Variants in B4GALNT4 observed in about 807,000 individuals in gnomAD.
B4GALNT4 encodes N-acetyl-beta-glucosaminyl-glycoprotein 4-beta-N-acetylgalactosaminyltransferase 1.
A neutral mutation model predicts 110.0 loss-of-function variants in B4GALNT4; 77 were observed. The ratio of observed to expected loss-of-function variants is 0.70; its 90% CI spans 0.58 to 0.85. The LOEUF (loss-of-function observed/expected upper bound fraction) is 0.85, where lower values mean the gene tolerates loss of function less well. Among genes scored for constraint, B4GALNT4 ranks in the 40% least tolerant of loss-of-function variants. B4GALNT4 has a pLI of 0.00. For synonymous variants in B4GALNT4, 785 were observed against 655.5 expected, an observed-to-expected ratio of 1.20 and a Z score of -3.02; for missense variants, 1,575 against 1,506.0, an observed-to-expected ratio of 1.05 and a Z score of -0.76.
At chr11:375,618 C>T (rs368798406) in intron 9 of B4GALNT4, 21 bp from the exon 10 acceptor site, 25 of 1,594,160 alleles carry the variant, frequency 1.6e-5, no homozygotes, top group Non-Finnish European at 2.0e-5. Context: ...TGAGCACTCC[C>T]TGGAACTCTT....
At chr11:381,608 C>T in intron 19 of B4GALNT4, 61 bp from the exon 20 acceptor site, 1 of 1,454,126 alleles carries the variant, frequency 6.9e-7, no homozygotes, top group South Asian at 1.4e-5. Context: ...GCCCCGGGGT[C>T]CTGACCACCT....
chr11:375,764 T>G lies in B4GALNT4; in HGVS notation c.976T>G (p.Phe326Val). ...GCTGCGGCCAGATCCCAGGGATACC[T>G]TTTTCCTCAGTGAGAGGGGGCCCGC... ...DMLRPDPRDT[F>V]FLTPRMESSS... Residue 326 changes from phenylalanine (F) to valine (V), a missense_variant, in exon 10 of 20, where the codon TTT becomes GTT. Coordinates refer to ENST00000329962, the MANE Select transcript of B4GALNT4 (RefSeq NM_178537.5). 1 of 1,596,704 alleles carries G rather than the reference T, an allele frequency of 6.3e-7. No individual in the cohort carries two copies. Among genetic ancestry groups the G allele is most frequent in the Non-Finnish European group, 8.5e-7 (1 of 1,175,092 alleles).
chr11:369,572 G>A lies in B4GALNT4; in HGVS notation c.-232G>A. On this transcript the variant is annotated 5_prime_UTR_variant, in exon 1 of 20. Transcript: ENST00000329962. ...GGAGCGCGGAGCCGGGAGCGGCCGG[G>A]CGGGGGGCACCGCGAGGAGCCGCCC... 1.4e-5 allele frequency among the ~76,000 whole-genome samples: 2 copies of A among 143,400 alleles called. No individual in the cohort carries two copies. Among genetic ancestry groups the A allele is most frequent in the Middle Eastern group, 3.6e-3 (1 of 274 alleles). 94.1% of individuals were successfully genotyped at this position (143,400 alleles called of 152,430 possible). A position where few individuals can be genotyped will look rare whatever the true frequency, so the allele number is the denominator to read the frequency against.
chr11:375,670 G>A lies in B4GALNT4; in HGVS notation c.882G>A (p.Ala294=), dbSNP rs1382969061. 1.9e-6 allele frequency: 3 copies of A among 1,591,522 alleles called. No homozygotes were observed. Among genetic ancestry groups the A allele is most frequent in the East Asian group, 2.2e-5 (1 of 44,640 alleles). ...DESALKMDHV[A]HVPQSPASHV... ...CAGCCTTGAAGATGGACCACGTGGC[G>A]CACGTCCCCCAGTCTCCAGCCAGCC... The change falls in exon 10 of 20, where the codon GCG becomes GCA. Residue 294 remains alanine, a synonymous_variant. Transcript: ENST00000329962.
Position 376,684 on chromosome 11 carries a change from C to A in B4GALNT4, c.1561C>A (p.Pro521Thr). Residue 521 changes from proline (P) to threonine (T), a missense_variant, in exon 14 of 20, where the codon CCG becomes ACG. Coordinates refer to ENST00000329962, the MANE Select transcript of B4GALNT4 (RefSeq NM_178537.5). Reference protein sequence around the residue: ...APPPRPAVEQPPPKVYVTRVR... With the variant: ...APPPRPAVEQTPPKVYVTRVR... Reference sequence around the variant, plus strand: ...GCCCCCGCGCCCTGCAGTGGAGCAGCCGCCCCCAAAGGTGTACGTGACCAG... The same window carrying A: ...GCCCCCGCGCCCTGCAGTGGAGCAGACGCCCCCAAAGGTGTACGTGACCAG... 1 of 1,427,970 alleles carries A rather than the reference C, an allele frequency of 7.0e-7. No individual in the cohort carries two copies. The highest frequency in any genetic ancestry group is 9.1e-7 in the Non-Finnish European group (1 of 1,095,266). The allele number at this position is 1,427,970 out of a possible 1,614,324, so 88.5% of individuals were successfully genotyped here.
intron 19 of B4GALNT4, among the ~76,000 whole-genome samples, chr11:381,398 C>T (rs1219061639): frequency 2.6e-4 from 8 of 30,798 alleles, no homozygotes; most frequent in Admixed American, 9.5e-4. Flanking sequence ...ACCACCTCTC[C>T]GCCCCCGGCC....
chr11:381,636 G>A, intron 19 of B4GALNT4, 33 bp from the exon 20 acceptor site: 1 of 1,547,376 alleles, frequency 6.5e-7, no homozygotes, highest in Middle Eastern at 1.7e-4. Flanking sequence ...CCCAACCCCG[G>A]GGTCCTGACC....
At position 379,930 on chromosome 11, in the gene B4GALNT4, C is replaced by G; in HGVS notation, c.2553C>G (p.Thr851=). ...ACATGGCTGCGCTGCACGCGCGCAC[C>G]GGGGACTCGCGTTTCAGCGTCGTCC... is the stretch of plus-strand genomic sequence containing the variant. ...LADMAALHAR[T]GDSRFSVVLV... Residue 851 remains threonine (T), a synonymous_variant, in exon 16 of 20, where the codon ACC becomes ACG. Transcript: ENST00000329962. 6.2e-7 allele frequency: 1 copy of G among 1,611,364 alleles called. No homozygotes were observed. The highest frequency in any genetic ancestry group is 1.1e-5 in the South Asian group (1 of 91,074).
intron 17 of B4GALNT4, 42 bp downstream of exon 17, chr11:380,244 G>A (rs1334660473): frequency 1.2e-6 from 2 of 1,608,594 alleles, no homozygotes; most frequent in South Asian, 1.1e-5. Flanking sequence ...AACGGGGCGT[G>A]CCCGGGGAGG....
chr11:370,831 T>A (rs11246135), intron 1 of B4GALNT4, among the ~76,000 whole-genome samples: 1 of 151,696 alleles, frequency 6.6e-6, no homozygotes, highest in East Asian at 1.9e-4. Context: ...GGCTGGGGAC[T>A]CCTGGGCCAC....
Position 376,118 on chromosome 11 carries a change from C to T in B4GALNT4, c.1140C>T (p.Thr380=), listed in dbSNP as rs1489678061. The change falls in exon 12 of 20, where the codon ACC becomes ACT. Residue 380 remains threonine (T), a synonymous_variant. Coordinates refer to ENST00000329962, the MANE Select transcript of B4GALNT4 (RefSeq NM_178537.5). ...ATCCCAACGACTACACTCGCCTCAC[C>T]CACATGGAGACGGACAACAAGTGCT... ...FVYPNDYTRL[T]HMETDNKCFY... 5.0e-6 allele frequency: 8 copies of T among 1,611,874 alleles called. No individual in the cohort carries two copies. Among genetic ancestry groups the T allele is most frequent in the East Asian group, 4.5e-5 (2 of 44,852 alleles).
In B4GALNT4 at chr11:381,719, A is replaced by G. The variant is rs747007436; in HGVS notation, c.3047A>G (p.Tyr1016Cys). ...GAGCGGCTCCGACTGCGGAATTTCTATCACCACTACCACTCCAAGAGGGGC... is the reference window on the plus strand; with the variant it reads ...GAGCGGCTCCGACTGCGGAATTTCTGTCACCACTACCACTCCAAGAGGGGC... The part of the protein sequence containing the change: ...EVERLRLRNF[Y>C]HHYHSKRGMW... The change falls in exon 20 of 20, where the codon TAT (tyrosine) becomes TGT (cysteine). Residue 1016 changes from tyrosine to cysteine, a missense_variant. By Grantham distance (194) the Tyr-to-Cys change is radical. Transcript: ENST00000329962. The G allele has an allele frequency of 1.3e-6, 2 of 1,591,586 alleles. No individual in the cohort carries two copies. The highest frequency in any genetic ancestry group is 1.4e-5 in the African/African-American group (1 of 72,928).
At position 380,344 on chromosome 11, in the gene B4GALNT4, A is replaced by G. The variant is rs777103923; in HGVS notation, c.2768A>G (p.Asn923Ser). ...GACCTGCACATCCACTTCCCACCCA[A>G]CATCCTGGACGGCATCCGCAAGCAC... is the stretch of plus-strand genomic sequence containing the variant. Reference protein sequence around the residue: ...LCDLHIHFPPNILDGIRKHCV... With the variant: ...LCDLHIHFPPSILDGIRKHCV... The change falls in exon 18 of 20, where the codon AAC becomes AGC. Residue 923 changes from asparagine (N) to serine (S), a missense_variant. Physicochemically the swap from Asn to Ser is conservative, Grantham distance 46. Coordinates refer to ENST00000329962, the MANE Select transcript of B4GALNT4 (RefSeq NM_178537.5). 2.4e-5 allele frequency: 39 copies of G among 1,613,048 alleles called. No individual in the cohort carries two copies. The highest frequency in any genetic ancestry group is 4.0e-5 in the African/African-American group (3 of 74,840).
At chr11:372,632 C>A (rs373895499) in intron 2 of B4GALNT4, 30 bp from the exon 3 acceptor site, 85 of 1,591,548 alleles carry the variant, frequency 5.3e-5, no homozygotes, top group East Asian at 1.3e-4. Flanking sequence ...CCCTTCCAAC[C>A]CTGACCCTGT....
At position 369,530 on chromosome 11, in the gene B4GALNT4, G is replaced by A. The variant is rs1392460316; in HGVS notation, c.-274G>A. ...CGGTGGCAGCCGTGGATGCTGTTCG[G>A]TCCCGCCGCCGCCCCAGGAGCGCGG... On this transcript the variant is annotated 5_prime_UTR_variant, in exon 1 of 20. Transcript: ENST00000329962. Among the ~76,000 whole-genome samples, 4 of 137,244 alleles carry A rather than the reference G, an allele frequency of 2.9e-5. No homozygotes were observed. Among genetic ancestry groups the A allele is most frequent in the Admixed American group, 1.5e-4 (2 of 13,774 alleles). The allele number at this position is 137,244 out of a possible 152,430, so 90.0% of individuals were successfully genotyped here.
chr11:375,989 G>T lies in B4GALNT4; in HGVS notation c.1095+33G>T, dbSNP rs546316522. On this transcript the variant is annotated intron_variant, in intron 11 of 19. Transcript: ENST00000329962. Reference sequence around the variant, plus strand: ...CGGCTGGAGACCCCGTCTCCCGTCCGGGACTCCGCGGAGCCTTCTCCAGCC... The same window carrying T: ...CGGCTGGAGACCCCGTCTCCCGTCCTGGACTCCGCGGAGCCTTCTCCAGCC... 30 of 1,605,892 alleles carry T rather than the reference G, an allele frequency of 1.9e-5. No individual in the cohort carries two copies. The African/African-American group carries it at 4.0e-4, about 21-fold the overall frequency.
rs1313431269 is a variant in B4GALNT4 at position 379,604 on chromosome 11, T to C, written c.2391T>C (p.Ala797=). The part of the protein sequence containing the change: ...GDADGESPEP[A]PAASVRPDGR... ...CAGACGGAGAAAGTCCCGAACCCGC[T>C]CCCGCCGCCTCCGTGCGCCCCGACG... The change falls in exon 15 of 20, where the codon GCT becomes GCC. Residue 797 remains alanine (A), a synonymous_variant. Coordinates refer to ENST00000329962, the MANE Select transcript of B4GALNT4 (RefSeq NM_178537.5). 3 of 1,551,904 alleles carry C rather than the reference T, an allele frequency of 1.9e-6. No individual in the cohort carries two copies. The highest frequency in any genetic ancestry group is 2.3e-5 in the East Asian group (1 of 42,740).
rs1231899554 is a variant in B4GALNT4, at chr11:377,304, G to A, written c.2181G>A (p.Glu727=). 3 of 1,556,108 alleles carry A rather than the reference G, an allele frequency of 1.9e-6. No individual in the cohort carries two copies. The African/African-American group carries it at 4.1e-5, about 21-fold the overall frequency. Residue 727 remains glutamate (E), a synonymous_variant, in exon 14 of 20, where the codon GAG becomes GAA. Coordinates refer to ENST00000329962, the MANE Select transcript of B4GALNT4 (RefSeq NM_178537.5). ...EAVDVTAQYM[E]RLNARHGGRF... is the part of the protein sequence containing the mutation. ...TGGACGTGACCGCTCAGTACATGGA[G>A]CGGCTGAACGCGCGCCACGGCGGGT...
chr11:377,990 G>A (rs554051818), intron 14 of B4GALNT4, among the ~76,000 whole-genome samples: 4 of 152,358 alleles, frequency 2.6e-5, no homozygotes, highest in African/African-American at 7.2e-5. Flanking sequence ...CGAGTTAGGA[G>A]TTGCACAGTG....
Sources: gnomAD v4.1 joint callset for allele counts (sites outside exome capture counted in the v4.1 genomes callset) on GRCh38, gnomAD v4.1.1 for gene constraint, MANE v1.5 for transcripts, NCBI Gene and HGNC (gene_info 2026-07-23, HGNC 2026-07-21) for gene names.